FHIT: variants seen among roughly 807,000 people sequenced by gnomAD.
FHIT encodes the protein fragile histidine triad diadenosine triphosphatase.
Under a neutral mutation model 17.9 loss-of-function variants are expected in FHIT, and 19 were observed. The ratio of observed to expected loss-of-function variants is 1.06; its 90% CI spans 0.74 to 1.56. FHIT has a LOEUF of 1.56. Among genes scored for constraint, FHIT ranks in the 40% most tolerant of loss-of-function variants. The pLI is 0.00. For missense variants in FHIT, 248 were observed against 189.2 expected (o/e 1.31, Z -1.82); for synonymous variants, 81 against 69.7 (o/e 1.16, Z -0.81).
intron 5 of FHIT, among the ~76,000 whole-genome samples, chr3:60,257,669 A>G (rs1706071534): frequency 6.6e-6 from 1 of 152,226 alleles, no homozygotes; most frequent in Admixed American, 6.5e-5. Context: ...CTACAAGCAG[A>G]AATTTCTTTG....
At chr3:59,857,385 C>A (rs956200479) in intron 8 of FHIT, among the ~76,000 whole-genome samples, 2 of 152,122 alleles carry the variant, frequency 1.3e-5, no homozygotes, top group African/African-American at 4.8e-5. Flanking sequence ...AACATTCTGG[C>A]CACTTCACTG....
intron 4 of FHIT, among the ~76,000 whole-genome samples, chr3:60,707,295 T>C (rs1483189691): frequency 1.3e-5 from 2 of 152,210 alleles, no homozygotes; most frequent in Non-Finnish European, 2.9e-5. Flanking sequence ...TGATCTACTA[T>C]AACTTTATAA....
chr3:60,423,232 C>A (rs1466070288), intron 5 of FHIT, among the ~76,000 whole-genome samples: 2 of 152,038 alleles, frequency 1.3e-5, no homozygotes, highest in Non-Finnish European at 2.9e-5. Context: ...AGTAGAGAGA[C>A]AAAGAGAATT....
chr3:60,718,693 A>T (rs1326428734), intron 4 of FHIT, among the ~76,000 whole-genome samples: 1 of 152,242 alleles, frequency 6.6e-6, no homozygotes, highest in East Asian at 1.9e-4. Flanking sequence ...AAACTCTATC[A>T]GACAGAACAA....
chr3:60,196,049 T>C (rs932536871), intron 5 of FHIT, among the ~76,000 whole-genome samples: 1 of 152,078 alleles, frequency 6.6e-6, no homozygotes, highest in Non-Finnish European at 1.5e-5. Context: ...CGAAAAAAAC[T>C]TGAAAGTGAT....
chr3:60,577,414 C>T (rs1464133830), intron 4 of FHIT, among the ~76,000 whole-genome samples: 2 of 151,982 alleles, frequency 1.3e-5, no homozygotes, highest in African/African-American at 4.8e-5. Context: ...CTATGACTGT[C>T]CATTAAATAT....
At chr3:60,826,942 T>C (rs1169078806) in intron 3 of FHIT, among the ~76,000 whole-genome samples, 1 of 152,186 alleles carries the variant, frequency 6.6e-6, no homozygotes, top group African/African-American at 2.4e-5. Context: ...TTTCTCTCTT[T>C]AAAGCAAGTT....
intron 5 of FHIT, among the ~76,000 whole-genome samples, chr3:60,048,100 A>C (rs867356866): frequency 6.6e-6 from 1 of 152,194 alleles, no homozygotes; most frequent in Middle Eastern, 3.4e-3. Flanking sequence ...TGTGTGTCCT[A>C]ATCTCCTCCA....
chr3:60,554,931 T>C (rs1399428621), intron 4 of FHIT, among the ~76,000 whole-genome samples: 1 of 152,204 alleles, frequency 6.6e-6, no homozygotes, highest in African/African-American at 2.4e-5. Context: ...TATAGCTATG[T>C]ATCATTTGTA....
chr3:60,616,065 T>C (rs2038942382), intron 4 of FHIT, among the ~76,000 whole-genome samples: 2 of 152,222 alleles, frequency 1.3e-5, no homozygotes, highest in Admixed American at 1.3e-4. Context: ...GTAATATCAC[T>C]TGTCATTAGG....
At chr3:61,075,245 C>T (rs970883931) in intron 2 of FHIT, among the ~76,000 whole-genome samples, 1 of 152,066 alleles carries the variant, frequency 6.6e-6, no homozygotes, top group South Asian at 2.1e-4. Context: ...GAGCTGCAGA[C>T]CCTCACTGCC....
chr3:59,757,157 CA>C (rs1430884843), intron 8 of FHIT, among the ~76,000 whole-genome samples: 1 of 152,112 alleles, frequency 6.6e-6, no homozygotes, highest in African/African-American at 2.4e-5. Context: ...CAACAATAGT[CA>C]AAACGGTTTT....
intron 8 of FHIT, among the ~76,000 whole-genome samples, chr3:59,882,217 C>T (rs553025194): frequency 3.3e-5 from 5 of 152,024 alleles, no homozygotes; most frequent in Admixed American, 1.3e-4. Context: ...TCTTAAAATA[C>T]ATTTAGATAT....
rs560781757 is a variant in FHIT, at chr3:60,329,241, C to T, written c.103+207619G>A. ...TTTCTAATTTAGCTAACCATTTTAA[C>T]ATTTATCGAAGCTTTTGTGATCACT... On this transcript the variant is annotated intron_variant, in intron 5 of 9. Coordinates refer to ENST00000492590, the MANE Select transcript of FHIT (RefSeq NM_002012.4). Among the ~76,000 whole-genome samples, 6 of 151,934 alleles carry T rather than the reference C, an allele frequency of 3.9e-5. No individual in the cohort carries two copies. In the East Asian group the frequency reaches 1.2e-3, roughly 29 times the overall value.
intron 5 of FHIT, among the ~76,000 whole-genome samples, chr3:60,124,691 C>T (rs1705461135): frequency 6.6e-6 from 1 of 152,174 alleles, no homozygotes; most frequent in Non-Finnish European, 1.5e-5. Context: ...GCTTTATGCA[C>T]CCATCCTTAG....
At chr3:60,670,137 C>A (rs1355169586) in intron 4 of FHIT, among the ~76,000 whole-genome samples, 2 of 152,168 alleles carry the variant, frequency 1.3e-5, no homozygotes, top group Non-Finnish European at 2.9e-5. Flanking sequence ...GATAAATACT[C>A]ATTTCTATTC....
At chr3:60,808,603 G>C (rs1010587542) in intron 4 of FHIT, among the ~76,000 whole-genome samples, 4 of 152,208 alleles carry the variant, frequency 2.6e-5, no homozygotes, top group African/African-American at 9.6e-5. Flanking sequence ...AAGAATGAGT[G>C]TTCCAATGAG....
At chr3:60,292,508 C>A (rs1372530041) in intron 5 of FHIT, among the ~76,000 whole-genome samples, 1 of 152,110 alleles carries the variant, frequency 6.6e-6, no homozygotes. Context: ...ACTTTTACAA[C>A]CAAATATTTA....
chr3:60,627,355 G>A (rs536624777), intron 4 of FHIT, among the ~76,000 whole-genome samples: 39 of 152,056 alleles, frequency 2.6e-4, no homozygotes, highest in Non-Finnish European at 3.7e-4. Flanking sequence ...ACTTTTGATG[G>A]GTTATTCAGG....
Sources: gnomAD v4.1 joint callset for allele counts (sites outside exome capture counted in the v4.1 genomes callset) on GRCh38, gnomAD v4.1.1 for gene constraint, MANE v1.5 for transcripts, NCBI Gene and HGNC (gene_info 2026-07-23, HGNC 2026-07-21) for gene names.